The following WNT3A variants were observed in gnomAD, a reference collection of about 807,000 sequenced individuals.
The protein encoded by WNT3A is protein Wnt-3a.
In WNT3A, 17 loss-of-function variants were observed where a neutral mutation model predicts 37.0. The observed-to-expected ratio is 0.46, with a 90% CI of 0.31 to 0.69. WNT3A has a LOEUF of 0.69. Among genes scored for constraint, WNT3A ranks in the 30% least tolerant of loss-of-function variants. The pLI is 0.05. For synonymous variants in WNT3A, 187 were observed against 211.0 expected (o/e 0.89, Z 0.99); for missense variants, 411 against 510.2 (o/e 0.81, Z 1.87).
At chr1:228,014,231 G>A (rs1393169069) in intron 1 of WNT3A, among the ~76,000 whole-genome samples, 1 of 152,194 alleles carries the variant, frequency 6.6e-6, no homozygotes, top group African/African-American at 2.4e-5. Context: ...CTTCAGGTAG[G>A]AGAGGGGTCC....
chr1:228,015,620 C>G (rs2030502792), intron 1 of WNT3A, among the ~76,000 whole-genome samples: 1 of 152,136 alleles, frequency 6.6e-6, no homozygotes, highest in South Asian at 2.1e-4. Flanking sequence ...CACCCTGAGG[C>G]AGGGCCCAGA....
intron 2 of WNT3A, among the ~76,000 whole-genome samples, chr1:228,046,334 T>G (rs1465886963): frequency 6.6e-6 from 1 of 151,548 alleles, no homozygotes; most frequent in East Asian, 1.9e-4. Flanking sequence ...TGTGCATCTG[T>G]GTGCATGCAT....
At position 228,050,605 on chromosome 1, in the gene WNT3A, C is replaced by A. The variant is rs115144264; in HGVS notation, c.314-51C>A. 1 of 1,532,602 alleles carries A rather than the reference C, an allele frequency of 6.5e-7. No homozygotes were observed. Among genetic ancestry groups the A allele is most frequent in the Admixed American group, 2.0e-5 (1 of 49,832 alleles). The allele number at this position is 1,532,602 out of a possible 1,614,324, so 94.9% of individuals were successfully genotyped here. ...GCTAAGACCCCTGACCTGCCCAAGG[C>A]GGTCCTTTGAGCTGAGCCCTGTTAA... On this transcript the variant is annotated intron_variant, in intron 2 of 3. Coordinates refer to ENST00000284523, the MANE Select transcript of WNT3A (RefSeq NM_033131.4). The surrounding 1 kb of genome is among the most constrained non-coding windows in gnomAD (Gnocchi z 5.0).
chr1:228,014,003 CT>C (rs2030452598), intron 1 of WNT3A, among the ~76,000 whole-genome samples: 1 of 152,232 alleles, frequency 6.6e-6, no homozygotes, highest in South Asian at 2.1e-4. Context: ...CCACACCTGC[CT>C]GCATTGCAGC....
In WNT3A at chr1:228,050,932, C is replaced by T. The variant is rs370461818; in HGVS notation, c.579+11C>T. 1.0e-5 allele frequency: 16 copies of T among 1,524,510 alleles called. No individual in the cohort carries two copies. Among genetic ancestry groups the T allele is most frequent in the Middle Eastern group, 1.8e-4 (1 of 5,568 alleles). The allele number at this position is 1,524,510 out of a possible 1,614,324, so 94.4% of individuals were successfully genotyped here. ...GAGGCTGGGCGCCAGGTAGGTTCGC[C>T]GCCCGCAAGGGTGCTTGGGAAAAAG... is the stretch of plus-strand genomic sequence containing the variant. On this transcript the variant is annotated intron_variant, in intron 3 of 3. Coordinates refer to ENST00000284523, the MANE Select transcript of WNT3A (RefSeq NM_033131.4). This position sits in a 1 kb window ranked among gnomAD's most constrained non-coding sequence, Gnocchi z 5.0.
At chr1:228,020,510 C>T (rs1164076989) in intron 1 of WNT3A, among the ~76,000 whole-genome samples, 1 of 152,204 alleles carries the variant, frequency 6.6e-6, no homozygotes, top group Non-Finnish European at 1.5e-5. Context: ...CCCAGGGACC[C>T]CGGATGGTCA....
At chr1:228,023,584 G>C (rs3094910) in intron 2 of WNT3A, among the ~76,000 whole-genome samples, 113,110 of 152,060 alleles carry the variant, frequency 0.74, 43,026 homozygotes, top group African/African-American at 0.91. Context: ...GAGAGACACA[G>C]AGAGAGAAAC....
chr1:228,016,983 G>A (rs6675355), intron 1 of WNT3A, among the ~76,000 whole-genome samples: 15,139 of 152,184 alleles, frequency 0.099, 1,779 homozygotes, highest in African/African-American at 0.27. Context: ...ACTGGGGGTC[G>A]CATTTCAACA....
rs1221099125 is a variant in WNT3A, at chr1:228,042,189, G to A, written c.314-8467G>A. On this transcript the variant is annotated intron_variant, in intron 2 of 3. Coordinates refer to ENST00000284523, the MANE Select transcript of WNT3A (RefSeq NM_033131.4). The surrounding 1 kb of genome is among the most constrained non-coding windows in gnomAD (Gnocchi z 5.2). ...AGACGGGGTTTCACCATGTTGGCCA[G>A]GATGGTCTCAATCTCTTGACCTCGT... Among the ~76,000 whole-genome samples, 2 of 152,158 alleles carry A rather than the reference G, an allele frequency of 1.3e-5. No individual in the cohort carries two copies. The highest frequency in any genetic ancestry group is 2.9e-5 in the Non-Finnish European group (2 of 68,034).
At position 228,031,454 on chromosome 1, in the gene WNT3A, A is replaced by T. The variant is rs1281618240; in HGVS notation, c.313+8546A>T. 6.6e-6 allele frequency among the ~76,000 whole-genome samples: 1 copy of T among 152,140 alleles called. No homozygotes were observed. Among genetic ancestry groups the T allele is most frequent in the African/African-American group, 2.4e-5 (1 of 41,424 alleles). ...CCAGGGTGCACAGGAGTCAGGTCCC[A>T]GGGCCGTGCAGCTCATCGAGCGTGT... On this transcript the variant is annotated intron_variant, in intron 2 of 3. Coordinates refer to ENST00000284523, the MANE Select transcript of WNT3A (RefSeq NM_033131.4). The surrounding 1 kb of genome is among the most constrained non-coding windows in gnomAD (Gnocchi z 4.8).
intron 3 of WNT3A, among the ~76,000 whole-genome samples, chr1:228,052,377 C>A (rs897946154): frequency 4.7e-4 from 71 of 152,200 alleles, no homozygotes; most frequent in African/African-American, 1.6e-3. Flanking sequence ...CTTTTGGCCT[C>A]AAGTGATCCA....
chr1:228,007,525 G>GAGGGGACAGGCAGCTCGAGGCC lies in WNT3A; in HGVS notation c.71+338_71+359dup, dbSNP rs1156725676. Among the ~76,000 whole-genome samples the GAGGGGACAGGCAGCTCGAGGCC allele has an allele frequency of 6.6e-6, 1 of 152,168 alleles. No individual in the cohort carries two copies. Among genetic ancestry groups the GAGGGGACAGGCAGCTCGAGGCC allele is most frequent in the Non-Finnish European group, 1.5e-5 (1 of 68,026 alleles). ...AAGAAGGTCGGCACGCACGGTCACC[G>GAGGGGACAGGCAGCTCGAGGCC]AGGGGACAGGCAGCTCGAGGCCAGG... is the stretch of plus-strand genomic sequence containing the variant. On this transcript the variant is annotated intron_variant, in intron 1 of 3. Coordinates refer to ENST00000284523, the MANE Select transcript of WNT3A (RefSeq NM_033131.4). This position sits in a 1 kb window ranked among gnomAD's most constrained non-coding sequence, Gnocchi z 6.0.
chr1:228,055,761 T>C (rs969903220), intron 3 of WNT3A, among the ~76,000 whole-genome samples: 6 of 152,062 alleles, frequency 3.9e-5, no homozygotes, highest in African/African-American at 1.2e-4. Flanking sequence ...AACAGGAAGA[T>C]TGGTTGAAAG....
Position 228,060,701 on chromosome 1 carries a change from C to T in WNT3A, c.*1236C>T. 1 of 165,960 alleles carries T rather than the reference C, an allele frequency of 6.0e-6. No homozygotes were observed. Among genetic ancestry groups the T allele is most frequent in the Non-Finnish European group, 1.3e-5 (1 of 75,588 alleles). 10.3% of individuals were successfully genotyped at this position (165,960 alleles called of 1,614,324 possible). A position where few individuals can be genotyped will look rare whatever the true frequency, so the allele number is the denominator to read the frequency against. On this transcript the variant is annotated 3_prime_UTR_variant, in exon 4 of 4. Coordinates refer to ENST00000284523, the MANE Select transcript of WNT3A (RefSeq NM_033131.4). ...CAGCCCCTCCTCCCTGCCCTCGGGT[C>T]TCCCCACCTGCACTCCATCCAGCTA...
At chr1:228,035,811 A>G (rs1303735250) in intron 2 of WNT3A, among the ~76,000 whole-genome samples, 1 of 151,796 alleles carries the variant, frequency 6.6e-6, no homozygotes, top group Admixed American at 6.6e-5. Flanking sequence ...CTCCCCTCCC[A>G]TCCCACTTAC....
At chr1:228,020,763 G>A (rs572054762) in intron 1 of WNT3A, among the ~76,000 whole-genome samples, 1 of 152,292 alleles carries the variant, frequency 6.6e-6, no homozygotes, top group African/African-American at 2.4e-5. Flanking sequence ...AGGGGTGCAG[G>A]CTTGAGTGGT....
At chr1:228,057,933 T>C (rs920993792) in intron 3 of WNT3A, among the ~76,000 whole-genome samples, 3 of 152,186 alleles carry the variant, frequency 2.0e-5, no homozygotes, top group Admixed American at 6.5e-5. Flanking sequence ...CTCCCCCTCC[T>C]GGCTCAAGCA....
At position 228,050,581 on chromosome 1, in the gene WNT3A, C is replaced by G; in HGVS notation, c.314-75C>G. The stretch of plus-strand genomic sequence containing the variant: ...GTTCCTTTATAACAATGCAAATGGG[C>G]TAAGACCCCTGACCTGCCCAAGGCG... On this transcript the variant is annotated intron_variant, in intron 2 of 3. Transcript: ENST00000284523. The surrounding 1 kb of genome is among the most constrained non-coding windows in gnomAD (Gnocchi z 5.0). 1 of 1,501,184 alleles carries G rather than the reference C, an allele frequency of 6.7e-7. No homozygotes were observed. Among genetic ancestry groups the G allele is most frequent in the Non-Finnish European group, 8.9e-7 (1 of 1,127,090 alleles). 93.0% of individuals were successfully genotyped at this position (1,501,184 alleles called of 1,614,324 possible). A position where few individuals can be genotyped will look rare whatever the true frequency, so the allele number is the denominator to read the frequency against.
chr1:228,024,956 T>A (rs2030816490), intron 2 of WNT3A, among the ~76,000 whole-genome samples: 1 of 152,180 alleles, frequency 6.6e-6, no homozygotes, highest in Admixed American at 6.5e-5. Context: ...CATAGATGTA[T>A]AGGTTTATTT....
Sources: allele counts gnomAD v4.1 joint callset (sites outside exome capture counted in the v4.1 genomes callset), GRCh38; gene constraint gnomAD v4.1.1; non-coding constraint Gnocchi (gnomAD v3.1); transcripts MANE v1.5; gene names NCBI Gene and HGNC (gene_info 2026-07-23, HGNC 2026-07-21).